Variants in PROSER2 observed in about 807,000 individuals in gnomAD.
PROSER2 encodes the protein proline and serine-rich protein 2.
Under a neutral mutation model 14.6 loss-of-function variants are expected in PROSER2, and 18 were observed. The ratio of observed to expected loss-of-function variants is 1.23; its 90% CI spans 0.85 to 1.83. The LOEUF (loss-of-function observed/expected upper bound fraction) is 1.83. PROSER2 is among the 40% of genes most tolerant of loss of function. PROSER2 has a pLI of 0.00. For missense variants in PROSER2, 823 were observed against 629.8 expected, an observed-to-expected ratio of 1.31 and a Z score of -3.28; for synonymous variants, 367 against 286.4, an observed-to-expected ratio of 1.28 and a Z score of -2.84.
chr10:11,831,780 G>A (rs1833691912), intron 1 of PROSER2: 1 of 152,098 alleles, frequency 6.6e-6, no homozygotes, highest in Non-Finnish European at 1.5e-5. Flanking sequence ...CCGACACTAG[G>A]AAACTTCTTC....
At position 11,852,147 on chromosome 10, in the gene PROSER2, C is replaced by A. The variant is rs142443009; in HGVS notation, c.70C>A (p.Arg24=). Residue 24 remains arginine, a synonymous_variant, in exon 2 of 4, where the codon CGA becomes AGA. Transcript: ENST00000277570. ...AGACACGTCCCCCAGCTGCAGGCTC[C>A]GAGCCTTCAGCAGAGGCGGCAGCCT... ...NSDTSPSCRL[R]AFSRGGSLES... is the part of the protein sequence containing the mutation. The A allele has an allele frequency of 5.6e-6, 9 of 1,613,450 alleles. No individual in the cohort carries two copies. Among genetic ancestry groups the A allele is most frequent in the Admixed American group, 3.3e-5 (2 of 59,922 alleles).
chr10:11,826,407 C>G (rs1031312497), intron 1 of PROSER2, among the ~76,000 whole-genome samples: 1 of 152,082 alleles, frequency 6.6e-6, no homozygotes, highest in Non-Finnish European at 1.5e-5. Flanking sequence ...GTAGAATTCC[C>G]GGGTCATATG....
rs779142603 is a variant in PROSER2 at position 11,866,785 on chromosome 10, T to C, written c.391+2T>C. 5.0e-6 allele frequency: 8 copies of C among 1,608,774 alleles called. No individual in the cohort carries two copies. In the African/African-American group the frequency reaches 5.3e-5, roughly 11 times the overall value. On this transcript the variant is annotated splice_donor_variant, in intron 3 of 3. Transcript: ENST00000277570. LOFTEE classifies it high-confidence loss of function. This position sits in a 1 kb window ranked among gnomAD's most constrained non-coding sequence, Gnocchi z 6.0. ...TTCCAGAGGGGACCCAGGCAGCAGG[T>C]GAGGGGGAAGACAGGCCATCCCTGG...
At chr10:11,858,184 C>G (rs1834160652) in intron 2 of PROSER2, among the ~76,000 whole-genome samples, 1 of 152,168 alleles carries the variant, frequency 6.6e-6, no homozygotes, top group South Asian at 2.1e-4. Context: ...AGTGATTCGG[C>G]CTCTCAGAGT....
chr10:11,870,160 C>T lies in PROSER2; in HGVS notation c.1062C>T (p.Ser354=), dbSNP rs1437766261. The change falls in exon 4 of 4, where the codon AGC becomes AGT. Residue 354 remains serine (S), a synonymous_variant. Coordinates refer to ENST00000277570, the MANE Select transcript of PROSER2 (RefSeq NM_153256.4). ...CAAGTGCGCACGAGGCCCTGAAGAG[C>T]GCACCCAGCTCCTTCGCGCCCGCTG... ...GFPSAHEALK[S]APSSFAPAGK... is the part of the protein sequence containing the mutation. 7.5e-6 allele frequency: 11 copies of T among 1,467,088 alleles called. No homozygotes were observed. Among genetic ancestry groups the T allele is most frequent in the Admixed American group, 2.4e-5 (1 of 41,538 alleles). 90.9% of individuals were successfully genotyped at this position (1,467,088 alleles called of 1,614,324 possible). A position where few individuals can be genotyped will look rare whatever the true frequency, so the allele number is the denominator to read the frequency against.
chr10:11,832,516 C>T (rs969857143), intron 1 of PROSER2, among the ~76,000 whole-genome samples: 4 of 152,068 alleles, frequency 2.6e-5, no homozygotes, highest in Non-Finnish European at 4.4e-5. Flanking sequence ...TATTGGGAGG[C>T]GTTACTGGGT....
At chr10:11,825,919 A>G (rs370145418) in intron 1 of PROSER2, among the ~76,000 whole-genome samples, 8 of 152,190 alleles carry the variant, frequency 5.3e-5, no homozygotes, top group African/African-American at 1.9e-4. Flanking sequence ...TTTAAAGTGC[A>G]CAAATCAGTG....
At position 11,857,856 on chromosome 10, in the gene PROSER2, G is replaced by A. The variant is rs544699499; in HGVS notation, c.138+5641G>A. 5.9e-5 allele frequency among the ~76,000 whole-genome samples: 9 copies of A among 152,080 alleles called. No homozygotes were observed. The East Asian group carries it at 1.7e-3, about 29-fold the overall frequency. ...CTCTAAGTGCAGGTGGAGCAGAGAT[G>A]AGTTCTGCTGCTTCACATTTTTTAA... is the stretch of plus-strand genomic sequence containing the variant. On this transcript the variant is annotated intron_variant, in intron 2 of 3. Coordinates refer to ENST00000277570, the MANE Select transcript of PROSER2 (RefSeq NM_153256.4).
intron 2 of PROSER2, among the ~76,000 whole-genome samples, chr10:11,864,722 G>A (rs1834311299): frequency 6.6e-6 from 1 of 151,866 alleles, no homozygotes; most frequent in African/African-American, 2.4e-5. Context: ...CTAAGTAGCA[G>A]GGATTACAGG....
intron 2 of PROSER2, among the ~76,000 whole-genome samples, chr10:11,859,584 A>G (rs1270885615): frequency 6.6e-6 from 1 of 152,158 alleles, no homozygotes; most frequent in Non-Finnish European, 1.5e-5. Context: ...CTATCTACAT[A>G]GTTCCTAGGG....
chr10:11,846,938 C>CG (rs1833930056), intron 1 of PROSER2, among the ~76,000 whole-genome samples: 1 of 151,670 alleles, frequency 6.6e-6, no homozygotes, highest in Non-Finnish European at 1.5e-5. Context: ...GGGGTGGGGT[C>CG]GGGGGGCATC....
At chr10:11,844,457 C>T (rs1257795328) in intron 1 of PROSER2, among the ~76,000 whole-genome samples, 1 of 152,162 alleles carries the variant, frequency 6.6e-6, no homozygotes, top group African/African-American at 2.4e-5. Flanking sequence ...TATATCCTTC[C>T]AAAGTTTCTT....
chr10:11,853,798 C>T (rs1344359789), intron 2 of PROSER2, among the ~76,000 whole-genome samples: 1 of 152,144 alleles, frequency 6.6e-6, no homozygotes, highest in African/African-American at 2.4e-5. Context: ...AGGGAACATT[C>T]CTTCCTCCTC....
chr10:11,836,927 TTG>T lies in PROSER2; in HGVS notation c.-82+13460_-82+13461del, dbSNP rs1245268666. ...AAATAAATCCTTCATAAGTTTTAAA[TTG>T]TGCACCATTCTGAGTAGTGGGATGA... On this transcript the variant is annotated intron_variant, in intron 1 of 3. Coordinates refer to ENST00000277570, the MANE Select transcript of PROSER2 (RefSeq NM_153256.4). The surrounding 1 kb of genome is among the most constrained non-coding windows in gnomAD (Gnocchi z 4.6). Among the ~76,000 whole-genome samples the T allele has an allele frequency of 8.5e-5, 13 of 152,322 alleles. No homozygotes were observed. In the East Asian group the frequency reaches 2.3e-3, roughly 27 times the overall value.
chr10:11,862,206 T>C lies in PROSER2; in HGVS notation c.139-4325T>C, dbSNP rs958501478. ...AAAGATCGCAGAGACATCAGTTCTCTGCAATTTGAGAAACTTTCATGCAAA... is the reference window on the plus strand; with the variant it reads ...AAAGATCGCAGAGACATCAGTTCTCCGCAATTTGAGAAACTTTCATGCAAA... On this transcript the variant is annotated intron_variant, in intron 2 of 3. Transcript: ENST00000277570. The surrounding 1 kb of genome is among the most constrained non-coding windows in gnomAD (Gnocchi z 4.2). Among the ~76,000 whole-genome samples, 13 of 152,232 alleles carry C rather than the reference T, an allele frequency of 8.5e-5. No homozygotes were observed. Among genetic ancestry groups the C allele is most frequent in the Admixed American group, 7.2e-4 (11 of 15,292 alleles).
chr10:11,861,903 C>A (rs574270239), intron 2 of PROSER2, among the ~76,000 whole-genome samples: 1 of 152,180 alleles, frequency 6.6e-6, no homozygotes. Flanking sequence ...GGGCAGAAAA[C>A]GTGCAAGATG....
rs911367699 is a variant in PROSER2, at chr10:11,856,801, G to A, written c.138+4586G>A. ...GACTAAGAAGGCATGGCAAGCACTG[G>A]GGGGCTTCCCACGTGGCCGGGCCGG... On this transcript the variant is annotated intron_variant, in intron 2 of 3. Coordinates refer to ENST00000277570, the MANE Select transcript of PROSER2 (RefSeq NM_153256.4). The surrounding 1 kb of genome is among the most constrained non-coding windows in gnomAD (Gnocchi z 5.3). 1.3e-5 allele frequency among the ~76,000 whole-genome samples: 2 copies of A among 152,168 alleles called. No individual in the cohort carries two copies. The highest frequency in any genetic ancestry group is 4.8e-5 in the African/African-American group (2 of 41,418).
At chr10:11,840,982 A>C (rs1265387875) in intron 1 of PROSER2, among the ~76,000 whole-genome samples, 1 of 115,850 alleles carries the variant, frequency 8.6e-6, no homozygotes, top group Middle Eastern at 3.8e-3. Flanking sequence ...ATATATATAT[A>C]TATATATATG....
chr10:11,870,050 C>A lies in PROSER2; in HGVS notation c.952C>A (p.Arg318Ser). 8.1e-7 allele frequency: 1 copy of A among 1,236,676 alleles called. No homozygotes were observed. Among genetic ancestry groups the A allele is most frequent in the South Asian group, 3.2e-5 (1 of 31,200 alleles). 76.6% of individuals were successfully genotyped at this position (1,236,676 alleles called of 1,614,324 possible). ...GGGSSPERVA[R>S]GRGLPGPAES... ...CGGCTCCTCCCCGGAGCGGGTGGCG[C>A]GTGGCCGGGGCCTGCCGGGCCCCGC... The change falls in exon 4 of 4, where the codon CGT (arginine) becomes AGT (serine). Residue 318 changes from arginine (R) to serine (S), a missense_variant. Transcript: ENST00000277570.
Sources: allele counts gnomAD v4.1 joint callset (sites outside exome capture counted in the v4.1 genomes callset), GRCh38; gene constraint gnomAD v4.1.1; non-coding constraint Gnocchi (gnomAD v3.1); transcripts MANE v1.5; gene names NCBI Gene and HGNC (gene_info 2026-07-23, HGNC 2026-07-21).